Variants in RAD51B observed in about 807,000 individuals in gnomAD.
RAD51B encodes RAD51 paralog B, also known as DNA repair protein RAD51 homolog 2.
In RAD51B, 38 loss-of-function variants were observed where a neutral mutation model predicts 42.2. The observed-to-expected ratio is 0.90, with a 90% CI of 0.70 to 1.18. RAD51B has a LOEUF of 1.18. RAD51B is among the 50% of genes most tolerant of loss of function. RAD51B has a pLI of 0.00. For synonymous variants in RAD51B, 154 were observed against 145.2 expected (o/e 1.06, Z -0.43); for missense variants, 373 against 400.7 (o/e 0.93, Z 0.59).
downstream of RAD51B, among the ~76,000 whole-genome samples, chr14:68,479,540 A>G (rs1012151805): frequency 6.6e-6 from 1 of 152,012 alleles, no homozygotes; most frequent in African/African-American, 2.4e-5. Context: ...CCCCCAGTTT[A>G]TTCCCATTAG....
chr14:68,364,053 G>C (rs1033237183), intron 8 of RAD51B, among the ~76,000 whole-genome samples: 6 of 152,224 alleles, frequency 3.9e-5, no homozygotes, highest in African/African-American at 1.4e-4. Flanking sequence ...GGCGAAGGAA[G>C]TATCTGCTGC....
chr14:68,007,540 T>A (rs1265405809), intron 7 of RAD51B, among the ~76,000 whole-genome samples: 1 of 151,996 alleles, frequency 6.6e-6, no homozygotes, highest in East Asian at 1.9e-4. Context: ...AAAAAAAAAA[T>A]TATACCTGCT....
intron 9 of RAD51B, among the ~76,000 whole-genome samples, chr14:68,430,041 A>G (rs755921304): frequency 8.5e-5 from 13 of 152,142 alleles, no homozygotes; most frequent in Non-Finnish European, 1.5e-4. Flanking sequence ...CAGGTTTGTC[A>G]AAGATCAGAT....
intron 10 of RAD51B, chr14:68,594,372 C>T (rs949366025): frequency 9.9e-6 from 10 of 1,011,272 alleles, no homozygotes; most frequent in South Asian, 1.4e-5. Context: ...ATGCCATACC[C>T]CTTGAACTCT....
At chr14:68,089,332 C>T (rs1046346481) in intron 7 of RAD51B, among the ~76,000 whole-genome samples, 35 of 152,158 alleles carry the variant, frequency 2.3e-4, no homozygotes, top group African/African-American at 8.4e-4. Flanking sequence ...GTTCATGACT[C>T]ATTAGTCTCT....
At chr14:67,840,490 C>T (rs2140307652) in intron 4 of RAD51B, among the ~76,000 whole-genome samples, 1 of 152,292 alleles carries the variant, frequency 6.6e-6, no homozygotes, top group Admixed American at 6.5e-5. Flanking sequence ...GTGTAGTAGT[C>T]CATGGTATAT....
At chr14:68,572,927 G>A (rs1198269593) in intron 10 of RAD51B, among the ~76,000 whole-genome samples, 1 of 152,120 alleles carries the variant, frequency 6.6e-6, no homozygotes, top group Non-Finnish European at 1.5e-5. Context: ...ATGGGTAGTA[G>A]CCCATCTTAC....
In RAD51B at chr14:68,430,090, C is replaced by G. The variant is rs1212243900; in HGVS notation, c.957+18563C>G. On this transcript the variant is annotated intron_variant, in intron 9 of 10. Coordinates refer to ENST00000471583, the MANE Select transcript of RAD51B (RefSeq NM_133510.4). ...TGGTATTATTTCTGAGGGCTCTGTT[C>G]CGTTCCATTGGTCTATATCTCTGTT... Among the ~76,000 whole-genome samples the G allele has an allele frequency of 2.6e-5, 4 of 152,262 alleles. No individual in the cohort carries two copies. The South Asian group carries it at 8.3e-4, about 32-fold the overall frequency.
At chr14:68,226,900 TC>T (rs1271218976) in intron 7 of RAD51B, among the ~76,000 whole-genome samples, 1 of 152,226 alleles carries the variant, frequency 6.6e-6, no homozygotes, top group Non-Finnish European at 1.5e-5. Flanking sequence ...TCTTTGAGAA[TC>T]CATTCTAGTT....
At chr14:68,318,557 C>CA (rs1175606359) in intron 8 of RAD51B, among the ~76,000 whole-genome samples, 2 of 152,170 alleles carry the variant, frequency 1.3e-5, no homozygotes, top group African/African-American at 4.8e-5. Flanking sequence ...GGAAAGAACT[C>CA]AGTTGTTTTT....
Position 68,230,901 on chromosome 14 carries a change from T to G in RAD51B, c.757-60983T>G, listed in dbSNP as rs542357994. 2.0e-5 allele frequency among the ~76,000 whole-genome samples: 3 copies of G among 152,320 alleles called. No individual in the cohort carries two copies. The East Asian group carries it at 5.8e-4, about 29-fold the overall frequency. On this transcript the variant is annotated intron_variant, in intron 7 of 10. Coordinates refer to ENST00000471583, the MANE Select transcript of RAD51B (RefSeq NM_133510.4). ...GATGTGAGAAAAATTACTATCATCATTATCACACATGGAAGGTCAACATTA... is the reference window on the plus strand; with the variant it reads ...GATGTGAGAAAAATTACTATCATCAGTATCACACATGGAAGGTCAACATTA...
chr14:68,030,749 G>C (rs2076028639), intron 7 of RAD51B, among the ~76,000 whole-genome samples: 1 of 152,112 alleles, frequency 6.6e-6, no homozygotes, highest in Non-Finnish European at 1.5e-5. Context: ...TAACTGTTTG[G>C]TGCAGGAAGC....
chr14:68,236,287 C>G (rs1220342680), intron 7 of RAD51B: 2 of 152,064 alleles, frequency 1.3e-5, no homozygotes, highest in African/African-American at 4.8e-5. Flanking sequence ...GTGTAGTGGC[C>G]ATTTGCAGGT....
At chr14:68,612,483 T>C (rs1393668041), downstream of RAD51B, among the ~76,000 whole-genome samples, 1 of 152,216 alleles carries the variant, frequency 6.6e-6, no homozygotes, top group East Asian at 1.9e-4. Context: ...TGGAACAAGA[T>C]GACTCTTTGC....
At chr14:68,407,701 A>G (rs1468493006) in intron 8 of RAD51B, among the ~76,000 whole-genome samples, 1 of 152,244 alleles carries the variant, frequency 6.6e-6, no homozygotes, top group Non-Finnish European at 1.5e-5. Context: ...GGAGGAAGAC[A>G]TTATTTCTGT....
chr14:68,172,815 A>C (rs2078897934), intron 7 of RAD51B, among the ~76,000 whole-genome samples: 1 of 152,196 alleles, frequency 6.6e-6, no homozygotes, highest in African/African-American at 2.4e-5. Context: ...TAAGACACTT[A>C]ATCCTGTGAA....
intron 4 of RAD51B, among the ~76,000 whole-genome samples, chr14:67,848,305 C>A (rs934864840): frequency 1.3e-5 from 2 of 152,210 alleles, no homozygotes; most frequent in Non-Finnish European, 2.9e-5. Flanking sequence ...GCGTGAGCCA[C>A]CACGCCTGGC....
At chr14:68,256,368 G>A (rs931719726) in intron 7 of RAD51B, among the ~76,000 whole-genome samples, 1 of 152,176 alleles carries the variant, frequency 6.6e-6, no homozygotes, top group African/African-American at 2.4e-5. Context: ...GGTGTCTGTA[G>A]TCACCCAGAA....
chr14:68,652,671 G>A (rs1373052518), intron 11 of RAD51B, among the ~76,000 whole-genome samples: 5 of 152,204 alleles, frequency 3.3e-5, no homozygotes, highest in African/African-American at 1.2e-4. Flanking sequence ...CTGTGTTACT[G>A]GAAAATATGT....
Sources: allele counts gnomAD v4.1 joint callset (sites outside exome capture counted in the v4.1 genomes callset), GRCh38; gene constraint gnomAD v4.1.1; transcripts MANE v1.5; gene names NCBI Gene and HGNC (gene_info 2026-07-23, HGNC 2026-07-21).